MPPED2: variants seen among roughly 807,000 people sequenced by gnomAD.
MPPED2 encodes the protein metallophosphoesterase MPPED2.
In MPPED2, 5 loss-of-function variants were observed where a neutral mutation model predicts 33.0. That is an observed-to-expected ratio of 0.15 (90% CI 0.08 to 0.32). The LOEUF is 0.32. MPPED2 is among the 10% of genes least tolerant of loss of function. MPPED2 has a pLI of 1.00. For synonymous variants in MPPED2, 136 were observed against 141.9 expected (o/e 0.96, Z 0.29); for missense variants, 275 against 372.1 (o/e 0.74, Z 2.15).
intron 2 of MPPED2, among the ~76,000 whole-genome samples, chr11:30,562,517 A>G (rs935547618): frequency 1.3e-5 from 2 of 152,202 alleles, no homozygotes; most frequent in Non-Finnish European, 2.9e-5. Flanking sequence ...ACTAGGAAAT[A>G]ACATTGTAAA....
intron 4 of MPPED2, among the ~76,000 whole-genome samples, chr11:30,445,631 G>A (rs1477006614): frequency 6.6e-6 from 1 of 152,074 alleles, no homozygotes; most frequent in Non-Finnish European, 1.5e-5. Flanking sequence ...CCTAGCCCCT[G>A]GCAACTGCCA....
At chr11:30,489,052 CTT>C (rs35619209) in intron 4 of MPPED2, among the ~76,000 whole-genome samples, 43,270 of 141,120 alleles carry the variant, frequency 0.31, 6,452 homozygotes, top group Middle Eastern at 0.43. Context: ...TCTTCTTCTC[CTT>C]TTTTTTTTTT....
chr11:30,399,536 T>C lies in MPPED2; in HGVS notation c.767-10580A>G, dbSNP rs146060519. Among the ~76,000 whole-genome samples, 10 of 152,342 alleles carry C rather than the reference T, an allele frequency of 6.6e-5. No homozygotes were observed. The East Asian group carries it at 1.9e-3, about 29-fold the overall frequency. On this transcript the variant is annotated intron_variant, in intron 6 of 6. Coordinates refer to the MPPED2 transcript ENST00000448418. ...AGAACGTAATGTACTGTTTTGTGTC[T>C]TTGTAAAAGTCATTTTGCATTTATC...
At chr11:30,469,312 T>C (rs1184353646) in intron 4 of MPPED2, among the ~76,000 whole-genome samples, 1 of 152,208 alleles carries the variant, frequency 6.6e-6, no homozygotes, top group Non-Finnish European at 1.5e-5. Flanking sequence ...TATTGAATAG[T>C]AATGACAACA....
intron 2 of MPPED2, among the ~76,000 whole-genome samples, chr11:30,560,807 T>A (rs910420058): frequency 2.6e-5 from 4 of 152,196 alleles, no homozygotes; most frequent in Non-Finnish European, 5.9e-5. Context: ...AATCTGCTTA[T>A]TTATAGAGCA....
At chr11:30,470,694 T>TA (rs1950911585) in intron 4 of MPPED2, among the ~76,000 whole-genome samples, 1 of 152,190 alleles carries the variant, frequency 6.6e-6, no homozygotes, top group African/African-American at 2.4e-5. Context: ...GAGCTATTTT[T>TA]ATCTATATCC....
At chr11:30,532,812 T>TA (rs1416796600) in intron 3 of MPPED2, among the ~76,000 whole-genome samples, 1 of 152,212 alleles carries the variant, frequency 6.6e-6, no homozygotes, top group Non-Finnish European at 1.5e-5. Flanking sequence ...TCTGATAAAT[T>TA]ACGCATGTTA....
At chr11:30,405,743 T>C (rs542021174), downstream of MPPED2, among the ~76,000 whole-genome samples, 5 of 152,340 alleles carry the variant, frequency 3.3e-5, no homozygotes, top group Non-Finnish European at 7.3e-5. Flanking sequence ...ACATTTTTAT[T>C]TTTGCCCTCT....
intron 3 of MPPED2, among the ~76,000 whole-genome samples, chr11:30,505,181 C>T (rs1590621972): frequency 6.6e-6 from 1 of 152,150 alleles, no homozygotes; most frequent in Non-Finnish European, 1.5e-5. Flanking sequence ...TTTTAGACCA[C>T]GAAAACTGCC....
chr11:30,418,188 G>A (rs186785551), intron 4 of MPPED2, among the ~76,000 whole-genome samples: 10 of 152,218 alleles, frequency 6.6e-5, no homozygotes, highest in Admixed American at 2.0e-4. Flanking sequence ...GAAAAAATAC[G>A]GGGGCTCTGA....
intron 2 of MPPED2, 81 bp downstream of exon 2, chr11:30,580,165 A>C: frequency 7.1e-7 from 1 of 1,402,256 alleles, no homozygotes; most frequent in Non-Finnish European, 9.9e-7. Flanking sequence ...TCCCTAGCAG[A>C]AGTTAATAGT....
intron 4 of MPPED2, among the ~76,000 whole-genome samples, chr11:30,478,118 C>T (rs506374): frequency 0.98 from 148,928 of 152,138 alleles, 72,950 homozygotes; most frequent in Middle Eastern, 1. Context: ...TGAAAAACTT[C>T]ATTGGAGTTG....
chr11:30,564,749 C>G (rs1306390731), intron 2 of MPPED2, among the ~76,000 whole-genome samples: 1 of 152,172 alleles, frequency 6.6e-6, no homozygotes, highest in Non-Finnish European at 1.5e-5. Context: ...TCTTAATTTA[C>G]TGAGCATTCA....
intron 4 of MPPED2, among the ~76,000 whole-genome samples, chr11:30,426,305 AG>A (rs1422079467): frequency 2.6e-5 from 4 of 152,210 alleles, no homozygotes; most frequent in Non-Finnish European, 4.4e-5. Context: ...AATGTTGTCA[AG>A]GTTCTTCCAT....
intron 4 of MPPED2, among the ~76,000 whole-genome samples, chr11:30,437,977 C>T (rs1171890973): frequency 6.6e-6 from 1 of 152,126 alleles, no homozygotes; most frequent in African/African-American, 2.4e-5. Context: ...TGGGTGAACT[C>T]TGGCATATCT....
At chr11:30,440,149 G>A (rs999128446) in intron 4 of MPPED2, among the ~76,000 whole-genome samples, 69 of 152,244 alleles carry the variant, frequency 4.5e-4, no homozygotes, top group African/African-American at 1.5e-3. Flanking sequence ...GGCCAACATG[G>A]TGAAACCCCG....
chr11:30,508,242 G>T (rs1297590777), intron 3 of MPPED2, among the ~76,000 whole-genome samples: 1 of 152,118 alleles, frequency 6.6e-6, no homozygotes, highest in African/African-American at 2.4e-5. Flanking sequence ...ACATAAAAAG[G>T]TGTTTGGCAT....
intron 4 of MPPED2, among the ~76,000 whole-genome samples, chr11:30,469,322 A>T (rs984660665): frequency 6.6e-6 from 1 of 152,212 alleles, no homozygotes; most frequent in East Asian, 1.9e-4. Context: ...TAATGACAAC[A>T]ATAATACAAA....
chr11:30,485,471 A>ACATGTTACACATAAC, intron 4 of MPPED2, among the ~76,000 whole-genome samples: 1 of 151,816 alleles, frequency 6.6e-6, no homozygotes, highest in Non-Finnish European at 1.5e-5. Flanking sequence ...CATGTGTAAC[A>ACATGTTACACATAAC]AGGTAAATAA....
Sources: gnomAD v4.1 joint callset for allele counts (sites outside exome capture counted in the v4.1 genomes callset) on GRCh38, gnomAD v4.1.1 for gene constraint, MANE v1.5 for transcripts, NCBI Gene and HGNC (gene_info 2026-07-23, HGNC 2026-07-21) for gene names.